SNTG2: variants seen among roughly 807,000 people sequenced by gnomAD.
SNTG2 encodes the protein gamma-2-syntrophin.
In SNTG2, 74 loss-of-function variants were observed where a neutral mutation model predicts 70.9. The observed-to-expected ratio is 1.04, with a 90% CI of 0.86 to 1.27. The LOEUF (loss-of-function observed/expected upper bound fraction) is 1.27. Ranked by LOEUF, SNTG2 falls within the 50% of genes most tolerant of loss-of-function variation. The probability of loss-of-function intolerance (pLI) is 0.00; values close to 1 mark genes in which losing one functional copy is unlikely to be tolerated. For synonymous variants in SNTG2, 278 were observed against 273.8 expected (o/e 1.02, Z -0.15); for missense variants, 717 against 690.7 (o/e 1.04, Z -0.43).
At chr2:1,023,245 C>A (rs1660295672) in intron 1 of SNTG2, among the ~76,000 whole-genome samples, 1 of 151,804 alleles carries the variant, frequency 6.6e-6, no homozygotes. Flanking sequence ...GAGTAATCAC[C>A]CCCCAGCCTG....
intron 9 of SNTG2, among the ~76,000 whole-genome samples, chr2:1,218,182 C>T (rs571817058): frequency 6.6e-6 from 1 of 152,216 alleles, no homozygotes; most frequent in East Asian, 1.9e-4. Flanking sequence ...TCTATGACTT[C>T]CTTCACTCTG....
chr2:1,325,924 C>A (rs565749477), intron 16 of SNTG2, among the ~76,000 whole-genome samples: 21 of 152,092 alleles, frequency 1.4e-4, no homozygotes, highest in African/African-American at 2.7e-4. Flanking sequence ...ACCTCTGCCT[C>A]CCGGTTTCAA....
At chr2:1,306,414 G>A (rs1680670104) in intron 14 of SNTG2, among the ~76,000 whole-genome samples, 1 of 152,186 alleles carries the variant, frequency 6.6e-6, no homozygotes, top group Non-Finnish European at 1.5e-5. Flanking sequence ...AATCTCTAAG[G>A]AAAGGTTGAC....
At chr2:1,265,301 G>A (rs1429800417) in intron 13 of SNTG2, among the ~76,000 whole-genome samples, 1 of 152,130 alleles carries the variant, frequency 6.6e-6, no homozygotes, top group Non-Finnish European at 1.5e-5. Flanking sequence ...TGTACTCAAG[G>A]CTCATTTAGG....
At chr2:1,364,533 G>T (rs1248615308) in intron 16 of SNTG2, among the ~76,000 whole-genome samples, 3 of 151,414 alleles carry the variant, frequency 2.0e-5, no homozygotes, top group Non-Finnish European at 4.4e-5. Context: ...GGTGCTGGCA[G>T]ATCACGAGGT....
rs147266626 is a variant in SNTG2, at chr2:1,232,751, A to G, written c.720-5137A>G. Among the ~76,000 whole-genome samples the G allele has an allele frequency of 2.5e-3, 380 of 152,362 alleles. 4 individuals carry two copies. Among genetic ancestry groups the G allele is most frequent in the African/African-American group, 8.5e-3 (352 of 41,594 alleles). ...TCTAAATTGTACTAAAAAATAATAT[A>G]CTACAGAGACAGTTTTAAAATAAAA... On this transcript the variant is annotated intron_variant, in intron 9 of 16. Transcript: ENST00000308624.
At chr2:1,153,574 C>T (rs1669661787) in intron 6 of SNTG2, among the ~76,000 whole-genome samples, 1 of 152,168 alleles carries the variant, frequency 6.6e-6, no homozygotes, top group Non-Finnish European at 1.5e-5. Context: ...AAGGGAAAGC[C>T]TCACGGAAAA....
chr2:1,259,233 AT>A, intron 12 of SNTG2, 136 bp from the exon 13 acceptor site: 1 of 698,376 alleles, frequency 1.4e-6, no homozygotes, highest in Non-Finnish European at 2.4e-6. Flanking sequence ...GTAAAGTTTA[AT>A]GTTACCAATT....
chr2:1,052,359 G>T (rs1052123956), intron 1 of SNTG2, among the ~76,000 whole-genome samples: 4 of 152,170 alleles, frequency 2.6e-5, no homozygotes, highest in Admixed American at 2.6e-4. Context: ...ATGTTTTAAA[G>T]AGTTCATCCT....
chr2:1,149,329 T>C (rs1558457866), intron 6 of SNTG2, among the ~76,000 whole-genome samples: 1 of 152,148 alleles, frequency 6.6e-6, no homozygotes, highest in South Asian at 2.1e-4. Flanking sequence ...GAGCTAAGTT[T>C]GTCTTTTCAT....
intron 1 of SNTG2, among the ~76,000 whole-genome samples, chr2:964,930 C>T (rs1236577062): frequency 6.6e-6 from 1 of 152,090 alleles, no homozygotes; most frequent in Non-Finnish European, 1.5e-5. Flanking sequence ...TCCTGTTGGC[C>T]CTGGGGCTCC....
intron 1 of SNTG2, among the ~76,000 whole-genome samples, chr2:1,034,550 G>T (rs1661026446): frequency 6.6e-6 from 1 of 152,126 alleles, no homozygotes; most frequent in Admixed American, 6.6e-5. Flanking sequence ...TTCCACAATG[G>T]TTGAACTAAT....
Position 1,173,033 on chromosome 2 carries a change from G to T in SNTG2, c.500-59G>T, listed in dbSNP as rs1313572013. 9.4e-6 allele frequency: 14 copies of T among 1,485,312 alleles called. No homozygotes were observed. The Admixed American group carries it at 2.0e-4, about 22-fold the overall frequency. The allele number at this position is 1,485,312 out of a possible 1,614,324, so 92.0% of individuals were successfully genotyped here. ...CAGGTAGAACTGAAGTCACTGCATG[G>T]TCACAGTGTGCTTTGTCAGTGGCAC... On this transcript the variant is annotated intron_variant, in intron 7 of 16. Coordinates refer to ENST00000308624, the MANE Select transcript of SNTG2 (RefSeq NM_018968.4).
At chr2:1,151,051 C>G (rs1311623811) in intron 6 of SNTG2, among the ~76,000 whole-genome samples, 1 of 152,180 alleles carries the variant, frequency 6.6e-6, no homozygotes, top group African/African-American at 2.4e-5. Context: ...TTGTCAAAAC[C>G]TCTAATTACC....
intron 1 of SNTG2, among the ~76,000 whole-genome samples, chr2:1,083,187 T>A (rs539613845): frequency 5.4e-5 from 8 of 149,378 alleles, no homozygotes; most frequent in Admixed American, 2.0e-4. Flanking sequence ...TAAAAAAATA[T>A]ATATATATAT....
chr2:1,304,806 C>A (rs890287123), intron 14 of SNTG2, among the ~76,000 whole-genome samples: 12 of 150,040 alleles, frequency 8.0e-5, no homozygotes, highest in Non-Finnish European at 1.6e-4. Flanking sequence ...TCAGGTAATT[C>A]TGTGCTTTAT....
intron 4 of SNTG2, among the ~76,000 whole-genome samples, chr2:1,130,593 T>C (rs1667956527): frequency 6.6e-6 from 1 of 152,206 alleles, no homozygotes; most frequent in Admixed American, 6.5e-5. Context: ...TCAACATTTA[T>C]TCCCTCTCCC....
At chr2:979,530 C>T (rs762337140) in intron 1 of SNTG2, among the ~76,000 whole-genome samples, 6 of 152,164 alleles carry the variant, frequency 3.9e-5, no homozygotes, top group African/African-American at 9.7e-5. Flanking sequence ...CAGCTCCTCT[C>T]GGTGACCTGT....
At chr2:1,192,457 G>T (rs750974743) in intron 8 of SNTG2, among the ~76,000 whole-genome samples, 43 of 152,146 alleles carry the variant, frequency 2.8e-4, no homozygotes, top group Non-Finnish European at 4.7e-4. Flanking sequence ...TAACTATGTG[G>T]TGACACAGTC....
Sources: gnomAD v4.1 joint callset for allele counts (sites outside exome capture counted in the v4.1 genomes callset) on GRCh38, gnomAD v4.1.1 for gene constraint, MANE v1.5 for transcripts, NCBI Gene and HGNC (gene_info 2026-07-23, HGNC 2026-07-21) for gene names.